DOK5: variants seen among roughly 807,000 people sequenced by gnomAD.
DOK5 encodes downstream of tyrosine kinase 5.
In DOK5, 27 loss-of-function variants were observed where a neutral mutation model predicts 43.3. The observed-to-expected ratio is 0.62, with a 90% CI of 0.46 to 0.86. The LOEUF (loss-of-function observed/expected upper bound fraction) is 0.86. DOK5 is among the 40% of genes least tolerant of loss of function. DOK5 has a pLI of 0.00. For missense variants in DOK5, 373 were observed against 392.9 expected, an observed-to-expected ratio of 0.95 and a Z score of 0.43; for synonymous variants, 146 against 140.1, an observed-to-expected ratio of 1.04 and a Z score of -0.30.
At chr20:54,550,066 T>A (rs1984472197) in intron 1 of DOK5, among the ~76,000 whole-genome samples, 1 of 152,026 alleles carries the variant, frequency 6.6e-6, no homozygotes, top group African/African-American at 2.4e-5. Context: ...TTCATTTTCA[T>A]GGCTGAATCT....
chr20:54,534,064 A>G (rs910859468), intron 1 of DOK5, among the ~76,000 whole-genome samples: 1 of 152,268 alleles, frequency 6.6e-6, no homozygotes, highest in African/African-American at 2.4e-5. Context: ...AATAGCCAGT[A>G]TGGCTGGACT....
chr20:54,580,693 C>T (rs1985611501), intron 2 of DOK5, among the ~76,000 whole-genome samples: 1 of 151,914 alleles, frequency 6.6e-6, no homozygotes, highest in South Asian at 2.1e-4. Context: ...TAGACATTTG[C>T]CCATTTTAAA....
Position 54,588,757 on chromosome 20 carries a change from C to A in DOK5, c.360C>A (p.Ser120Arg), listed in dbSNP as rs1266957510. ...ECVGTRINDI[S>R]LGEPDLLATG... is the part of the protein sequence containing the mutation. ...TAGGAACACGGATCAATGACATCAGCCTTGGAGAGCCTGACTTACTGGCCA... is the reference window on the plus strand; with the variant it reads ...TAGGAACACGGATCAATGACATCAGACTTGGAGAGCCTGACTTACTGGCCA... The change falls in exon 4 of 8, where the codon AGC becomes AGA. Residue 120 changes from serine to arginine, a missense_variant. Ser to Arg is a moderately radical substitution (Grantham distance 110). Coordinates refer to ENST00000262593, the MANE Select transcript of DOK5 (RefSeq NM_018431.5). The A allele has an allele frequency of 1.2e-6, 2 of 1,613,838 alleles. No individual in the cohort carries two copies. Among genetic ancestry groups the A allele is most frequent in the Non-Finnish European group, 1.7e-6 (2 of 1,179,928 alleles).
At chr20:54,594,546 C>T (rs1369269173) in intron 5 of DOK5, among the ~76,000 whole-genome samples, 1 of 141,400 alleles carries the variant, frequency 7.1e-6, no homozygotes, top group African/African-American at 3.0e-5. Flanking sequence ...TATAAATAGA[C>T]TTTTCTATGA....
chr20:54,637,391 A>AG, intron 6 of DOK5, among the ~76,000 whole-genome samples: 1 of 152,346 alleles, frequency 6.6e-6, no homozygotes, highest in South Asian at 2.1e-4. Flanking sequence ...ACTTTCACAA[A>AG]GGCTTGTCTT....
In DOK5 at chr20:54,648,217, G is replaced by A. The variant is rs192782638; in HGVS notation, c.857-2198G>A. Among the ~76,000 whole-genome samples, 5 of 152,170 alleles carry A rather than the reference G, an allele frequency of 3.3e-5. No individual in the cohort carries two copies. In the East Asian group the frequency reaches 5.8e-4, roughly 18 times the overall value. ...TCCATTCTTTGTTTACTCAGTAAAC[G>A]TTTATTGAGCATCTAGTTTAGGCCA... On this transcript the variant is annotated intron_variant, in intron 7 of 7. Coordinates refer to ENST00000262593, the MANE Select transcript of DOK5 (RefSeq NM_018431.5).
chr20:54,568,793 G>A (rs983403987), intron 2 of DOK5, among the ~76,000 whole-genome samples: 1 of 151,910 alleles, frequency 6.6e-6, no homozygotes, highest in Non-Finnish European at 1.5e-5. Flanking sequence ...AGCCGGGTGT[G>A]GTGGCGGGCG....
Position 54,564,038 on chromosome 20 carries a change from G to A in DOK5, c.174+8998G>A, listed in dbSNP as rs146749436. On this transcript the variant is annotated intron_variant, in intron 2 of 7. Coordinates refer to ENST00000262593, the MANE Select transcript of DOK5 (RefSeq NM_018431.5). ...TAAAACTATCATCATACTTTATTGC[G>A]TTGGACCTAGACTCCTATTTTCTTT... Among the ~76,000 whole-genome samples, 843 of 152,106 alleles carry A rather than the reference G, an allele frequency of 5.5e-3. 3 individuals carry two copies. The highest frequency in any genetic ancestry group is 9.7e-3 in the Non-Finnish European group (662 of 67,984).
chr20:54,514,052 C>G (rs1278675019), intron 1 of DOK5, among the ~76,000 whole-genome samples: 1 of 152,170 alleles, frequency 6.6e-6, no homozygotes, highest in Non-Finnish European at 1.5e-5. Context: ...CTGCAGGATG[C>G]AATTCAAGGG....
At chr20:54,521,420 G>A (rs776565463) in intron 1 of DOK5, among the ~76,000 whole-genome samples, 2 of 152,032 alleles carry the variant, frequency 1.3e-5, no homozygotes, top group South Asian at 2.1e-4. Context: ...AAATTTATAG[G>A]TTCCCATTCT....
At position 54,477,817 on chromosome 20, in the gene DOK5, T is replaced by C. The variant is rs555936341; in HGVS notation, c.66+1805T>C. Among the ~76,000 whole-genome samples, 62 of 152,340 alleles carry C rather than the reference T, an allele frequency of 4.1e-4. 1 individual carries two copies. The highest frequency in any genetic ancestry group is 1.4e-3 in the African/African-American group (60 of 41,582). On this transcript the variant is annotated intron_variant, in intron 1 of 7. Transcript: ENST00000262593. ...CATAAGGATCAGAGTTTATGCCAAATTGTGACACATGGTAATTTATTTGAA... is the reference window on the plus strand; with the variant it reads ...CATAAGGATCAGAGTTTATGCCAAACTGTGACACATGGTAATTTATTTGAA...
chr20:54,534,632 G>A (rs1344201033), intron 1 of DOK5, among the ~76,000 whole-genome samples: 6 of 152,200 alleles, frequency 3.9e-5, no homozygotes, highest in East Asian at 1.9e-4. Flanking sequence ...AAGCATACAC[G>A]TGAAATACTT....
intron 1 of DOK5, among the ~76,000 whole-genome samples, chr20:54,553,951 C>T (rs1222097778): frequency 1.3e-5 from 2 of 150,212 alleles, no homozygotes; most frequent in Non-Finnish European, 3.0e-5. Context: ...AAAAATGTCT[C>T]ATTTTATTTT....
intron 6 of DOK5, among the ~76,000 whole-genome samples, chr20:54,638,656 T>G (rs1978955191): frequency 6.6e-6 from 1 of 151,954 alleles, no homozygotes; most frequent in East Asian, 1.9e-4. Context: ...TTTTATAGAG[T>G]CCAGGGACAT....
At chr20:54,588,924 A>T in intron 4 of DOK5, 118 bp downstream of exon 4, 1 of 1,090,800 alleles carries the variant, frequency 9.2e-7, no homozygotes, top group Non-Finnish European at 1.3e-6. Context: ...TAAAGAAATA[A>T]GTAATCTTTT....
intron 6 of DOK5, among the ~76,000 whole-genome samples, chr20:54,616,278 G>C (rs1003541884): frequency 1.3e-5 from 2 of 152,162 alleles, no homozygotes; most frequent in African/African-American, 4.8e-5. Flanking sequence ...GCCTTACACT[G>C]TATCTTTGAA....
Position 54,529,596 on chromosome 20 carries a change from T to C in DOK5, c.67-25337T>C, listed in dbSNP as rs114912014. Among the ~76,000 whole-genome samples, 487 of 152,350 alleles carry C rather than the reference T, an allele frequency of 3.2e-3. 4 individuals carry two copies. The highest frequency in any genetic ancestry group is 0.011 in the African/African-American group (468 of 41,584). On this transcript the variant is annotated intron_variant, in intron 1 of 7. Transcript: ENST00000262593. ...AATTCATATACCATAAGATTCATCC[T>C]TTTAAAGTGTATAATTCAGTATTTT...
chr20:54,476,784 C>G (rs944874145), intron 1 of DOK5, among the ~76,000 whole-genome samples: 1 of 152,166 alleles, frequency 6.6e-6, no homozygotes, highest in Non-Finnish European at 1.5e-5. Context: ...TAGCTCCTTC[C>G]TTAAAACTCC....
intron 1 of DOK5, among the ~76,000 whole-genome samples, chr20:54,542,213 T>C (rs1476860266): frequency 6.6e-6 from 1 of 152,106 alleles, no homozygotes; most frequent in Non-Finnish European, 1.5e-5. Flanking sequence ...CTTTTGTTCA[T>C]AGCCATAGCC....
Sources: gnomAD v4.1 joint callset for allele counts (sites outside exome capture counted in the v4.1 genomes callset) on GRCh38, gnomAD v4.1.1 for gene constraint, MANE v1.5 for transcripts, NCBI Gene and HGNC (gene_info 2026-07-23, HGNC 2026-07-21) for gene names.